Variants in SEC14L1 observed in about 807,000 individuals in gnomAD.
SEC14L1 encodes SEC14-like protein 1.
A neutral mutation model predicts 85.3 loss-of-function variants in SEC14L1; 48 were observed. The ratio of observed to expected loss-of-function variants is 0.56; its 90% CI spans 0.45 to 0.72. The LOEUF (loss-of-function observed/expected upper bound fraction) is 0.72. Ranked by LOEUF, SEC14L1 falls within the 30% of genes least tolerant of loss-of-function variation. SEC14L1 has a pLI of 0.00. For synonymous variants in SEC14L1, 391 were observed against 355.5 expected (o/e 1.10, Z -1.12); for missense variants, 682 against 921.4 (o/e 0.74, Z 3.36).
chr17:77,161,270 G>A (rs1974040945), intron 3 of SEC14L1, among the ~76,000 whole-genome samples: 1 of 152,192 alleles, frequency 6.6e-6, no homozygotes, highest in Non-Finnish European at 1.5e-5. Flanking sequence ...GCAGATAACT[G>A]GGGGTCAGGA....
rs117962355 is a variant in SEC14L1, at chr17:77,213,752, C to T, written c.2043-166C>T. 8.2e-5 allele frequency: 78 copies of T among 956,188 alleles called. No homozygotes were observed. In the East Asian group the frequency reaches 1.1e-3, roughly 14 times the overall value. 59.2% of individuals were successfully genotyped at this position (956,188 alleles called of 1,614,324 possible). On this transcript the variant is annotated intron_variant, in intron 16 of 16. Coordinates refer to ENST00000436233, the MANE Select transcript of SEC14L1 (RefSeq NM_001143998.2). This position sits in a 1 kb window ranked among gnomAD's most constrained non-coding sequence, Gnocchi z 7.1. The stretch of plus-strand genomic sequence containing the variant: ...CGTCTGCGTGCAGGCTGTGGGAAGC[C>T]GGTCCCCCTGGTGGGTTACTCATGT...
chr17:77,133,439 G>A (rs1386793143), intron 3 of SEC14L1, among the ~76,000 whole-genome samples: 1 of 152,236 alleles, frequency 6.6e-6, no homozygotes, highest in Non-Finnish European at 1.5e-5. Context: ...GTCAGCTCGA[G>A]GCGGCCAAGT....
chr17:77,153,554 CT>C (rs918853329), intron 3 of SEC14L1, among the ~76,000 whole-genome samples: 1 of 152,080 alleles, frequency 6.6e-6, no homozygotes, highest in Non-Finnish European at 1.5e-5. Context: ...TTTGTAGTTA[CT>C]TTTTAACACT....
intron 3 of SEC14L1, chr17:77,127,790 T>G (rs890346328): frequency 2.6e-5 from 4 of 152,150 alleles, no homozygotes; most frequent in Non-Finnish European, 4.4e-5. Flanking sequence ...GTTAAGGAAC[T>G]TGAGATGAGA....
At chr17:77,196,332 CA>C in intron 8 of SEC14L1, 21 bp downstream of exon 8, 1 of 1,433,236 alleles carries the variant, frequency 7.0e-7, no homozygotes, top group Non-Finnish European at 9.8e-7. Context: ...GCACCACACC[CA>C]GTGTGCAGGG....
chr17:77,180,046 T>TTGTTATGTTATGTTATGTTA (rs67421763), intron 3 of SEC14L1, among the ~76,000 whole-genome samples: 3 of 121,022 alleles, frequency 2.5e-5, no homozygotes, highest in East Asian at 2.5e-4. Flanking sequence ...ATGTTTTGTT[T>TTGTTATGTTATGTTATGTTA]TGTTATGTTA....
chr17:77,189,092 T>G (rs1479027735), intron 3 of SEC14L1, among the ~76,000 whole-genome samples: 3 of 152,106 alleles, frequency 2.0e-5, no homozygotes, highest in East Asian at 1.9e-4. Context: ...ACAAAAAAAT[T>G]TAGTGTATGG....
rs775454713 is a variant in SEC14L1 at position 77,212,185 on chromosome 17, A to G, written c.1847A>G (p.Glu616Gly). The change falls in exon 15 of 17, where the codon GAA (glutamate) becomes GGA (glycine). Residue 616 changes from glutamate (E) to glycine (G), a missense_variant. Transcript: ENST00000436233. The part of the protein sequence containing the change: ...SMVESPLICK[E>G]GESVQGSHVT... ...GTGGAGTCGCCTCTGATCTGCAAAG[A>G]AGGAGAAAGCGTGCAGGTAAAATCA... is the stretch of plus-strand genomic sequence containing the variant. 3 of 1,613,572 alleles carry G rather than the reference A, an allele frequency of 1.9e-6. No homozygotes were observed. Among genetic ancestry groups the G allele is most frequent in the South Asian group, 1.1e-5 (1 of 91,084 alleles).
chr17:77,089,271 G>A, exon 2 of SEC14L1: 1 of 418,488 alleles, frequency 2.4e-6, no homozygotes, highest in Non-Finnish European at 4.7e-6. Context: ...AGGGCATCCA[G>A]GTATGTCAAG....
At chr17:77,089,045 G>A (rs1181050282) in intron 1 of SEC14L1, 2 of 186,506 alleles carry the variant, frequency 1.1e-5, no homozygotes, top group African/African-American at 4.8e-5. Context: ...GTAGCCAGCA[G>A]AAAAGCATTG....
chr17:77,214,078 G>A lies in SEC14L1; in HGVS notation c.*55G>A. 1 of 1,578,386 alleles carries A rather than the reference G, an allele frequency of 6.3e-7. No individual in the cohort carries two copies. Among genetic ancestry groups the A allele is most frequent in the Non-Finnish European group, 8.6e-7 (1 of 1,161,130 alleles). On this transcript the variant is annotated 3_prime_UTR_variant, in exon 17 of 17. Transcript: ENST00000436233. ...GGGGACGGCCGCCCCTCCTCGGACA[G>A]CCAGCTGCACCCGCCCACCCAGCGG...
At chr17:77,152,737 G>C (rs1362903120) in intron 3 of SEC14L1, 2 of 152,160 alleles carry the variant, frequency 1.3e-5, no homozygotes. Flanking sequence ...TACTAGTGAT[G>C]CCTGATGATC....
rs73998670 is a variant in SEC14L1 at position 77,214,461 on chromosome 17, C to G, written c.*438C>G. The G allele has an allele frequency of 1.3e-5, 13 of 1,003,230 alleles. No homozygotes were observed. Among genetic ancestry groups the G allele is most frequent in the Non-Finnish European group, 1.5e-5 (13 of 840,078 alleles). The allele number at this position is 1,003,230 out of a possible 1,614,324, so 62.1% of individuals were successfully genotyped here. On this transcript the variant is annotated 3_prime_UTR_variant, in exon 17 of 17. Coordinates refer to ENST00000436233, the MANE Select transcript of SEC14L1 (RefSeq NM_001143998.2). The stretch of plus-strand genomic sequence containing the variant: ...TGCCAGCTCGCTTCCCCCAAGCTGC[C>G]TCATGGCCCGCACGCCGCCTCACGG...
intron 3 of SEC14L1, among the ~76,000 whole-genome samples, chr17:77,125,505 A>G (rs1972422946): frequency 6.6e-6 from 1 of 152,112 alleles, no homozygotes; most frequent in Non-Finnish European, 1.5e-5. Context: ...TCACAGAACA[A>G]TAAACGGATA....
At chr17:77,103,301 T>C (rs1384999255) in intron 3 of SEC14L1, among the ~76,000 whole-genome samples, 2 of 151,012 alleles carry the variant, frequency 1.3e-5, no homozygotes, top group Non-Finnish European at 3.0e-5. Context: ...TTAGTAGAAA[T>C]GGGGTTTCAC....
Position 77,205,338 on chromosome 17 carries a change from G to A in SEC14L1, c.1161G>A (p.Arg387=). The change falls in exon 11 of 17, where the codon CGG becomes CGA. Residue 387 remains arginine, a synonymous_variant. Transcript: ENST00000436233. ...RCEENTKVFG[R]PISSWTCLVD... is the part of the protein sequence containing the mutation. ...AAGAGAATACAAAAGTCTTTGGTCG[G>A]CCTATCAGGTAGATGTGGGATTTTG... 1 of 1,613,854 alleles carries A rather than the reference G, an allele frequency of 6.2e-7. No individual in the cohort carries two copies. The highest frequency in any genetic ancestry group is 1.1e-5 in the South Asian group (1 of 91,078).
intron 3 of SEC14L1, among the ~76,000 whole-genome samples, chr17:77,149,462 G>T (rs1483806947): frequency 6.6e-6 from 1 of 152,174 alleles, no homozygotes; most frequent in Non-Finnish European, 1.5e-5. Flanking sequence ...GGGAGGGTGA[G>T]TTGGGAGGAT....
intron 3 of SEC14L1, among the ~76,000 whole-genome samples, chr17:77,163,756 C>T (rs1974169430): frequency 6.6e-6 from 1 of 152,210 alleles, no homozygotes; most frequent in African/African-American, 2.4e-5. Context: ...TTCTCTTTCT[C>T]ATAAAACCCC....
rs1976914700 is a variant in SEC14L1 at position 77,214,038 on chromosome 17, C to A, written c.*15C>A. The stretch of plus-strand genomic sequence containing the variant: ...TCTCCAGGTAGTGCCGCGCTGCCTG[C>A]ACCTAGTGTGCAGAGGGGACGGCCG... On this transcript the variant is annotated 3_prime_UTR_variant, in exon 17 of 17. Transcript: ENST00000436233. 1.9e-6 allele frequency: 3 copies of A among 1,610,064 alleles called. No individual in the cohort carries two copies. In the East Asian group the frequency reaches 6.7e-5, roughly 36 times the overall value.
Sources: allele counts gnomAD v4.1 joint callset (sites outside exome capture counted in the v4.1 genomes callset), GRCh38; gene constraint gnomAD v4.1.1; non-coding constraint Gnocchi (gnomAD v3.1); transcripts MANE v1.5; gene names NCBI Gene and HGNC (gene_info 2026-07-23, HGNC 2026-07-21).